TBXAS1: variants seen among roughly 807,000 people sequenced by gnomAD.
The protein encoded by TBXAS1 is thromboxane-A synthase.
A neutral mutation model predicts 60.7 loss-of-function variants in TBXAS1; 48 were observed. The ratio of observed to expected loss-of-function variants is 0.79; its 90% CI spans 0.63 to 1.01. The LOEUF is 1.01. TBXAS1 is among the 50% of genes least tolerant of loss of function. The pLI is 0.00. For missense variants in TBXAS1, 685 were observed against 686.3 expected (o/e 1.00, Z 0.02); for synonymous variants, 287 against 269.7 (o/e 1.06, Z -0.63).
intron 7 of TBXAS1, 108 bp downstream of exon 7, chr7:139,955,715 C>A: frequency 6.6e-7 from 1 of 1,522,014 alleles, no homozygotes; most frequent in Non-Finnish European, 9.0e-7. Context: ...TGGGAAAGGG[C>A]ACTCGGGTTG....
At chr7:139,960,828 T>G (rs2117371827) in intron 8 of TBXAS1, among the ~76,000 whole-genome samples, 1 of 152,326 alleles carries the variant, frequency 6.6e-6, no homozygotes, top group Middle Eastern at 3.4e-3. Context: ...GAGAAAATGC[T>G]GCAGCTAGCA....
intron 4 of TBXAS1, among the ~76,000 whole-genome samples, chr7:139,821,735 AC>A (rs1461561952): frequency 6.6e-6 from 1 of 151,974 alleles, no homozygotes; most frequent in Non-Finnish European, 1.5e-5. Flanking sequence ...GTCTTCTTCC[AC>A]GTCTCAGCCA....
chr7:139,984,811 A>AAAG (rs371016921), intron 9 of TBXAS1, among the ~76,000 whole-genome samples: 2 of 150,330 alleles, frequency 1.3e-5, no homozygotes, highest in African/African-American at 2.5e-5. Flanking sequence ...AGGGGGAAAG[A>AAAG]AAGAAAAGAA....
At chr7:139,908,134 T>A (rs1338110606) in intron 3 of TBXAS1, among the ~76,000 whole-genome samples, 1 of 152,082 alleles carries the variant, frequency 6.6e-6, no homozygotes, top group East Asian at 1.9e-4. Context: ...TCTGTGGTTT[T>A]TGTTTTCAGG....
chr7:139,880,258 A>G (rs1347939390), intron 3 of TBXAS1, among the ~76,000 whole-genome samples: 2 of 152,030 alleles, frequency 1.3e-5, no homozygotes, highest in Non-Finnish European at 2.9e-5. Flanking sequence ...TCTTCCCCCA[A>G]CATCACTTTA....
chr7:139,852,357 G>A lies in TBXAS1; in HGVS notation c.90-19878G>A, dbSNP rs139316342. On this transcript the variant is annotated intron_variant, in intron 1 of 12. Coordinates refer to ENST00000448866, the MANE Select transcript of TBXAS1 (RefSeq NM_001061.7). The surrounding 1 kb of genome is among the most constrained non-coding windows in gnomAD (Gnocchi z 4.4). ...CCAAACCCAGAAAAGTGGTCTGTTC[G>A]GAAGGTCAGGCAGGTTCTGTGGGTC... 9.5e-4 allele frequency among the ~76,000 whole-genome samples: 145 copies of A among 152,328 alleles called. 6 individuals carry two copies. The East Asian group carries it at 0.019, about 20-fold the overall frequency.
At chr7:139,951,374 T>A (rs558655521) in intron 5 of TBXAS1, among the ~76,000 whole-genome samples, 1 of 152,030 alleles carries the variant, frequency 6.6e-6, no homozygotes, top group East Asian at 1.9e-4. Flanking sequence ...ATTCCACTTA[T>A]GAGGCCACCT....
At chr7:139,856,282 G>A (rs934249799) in intron 1 of TBXAS1, among the ~76,000 whole-genome samples, 5 of 152,156 alleles carry the variant, frequency 3.3e-5, no homozygotes, top group Admixed American at 3.3e-4. Flanking sequence ...CTGCTAATCT[G>A]GGGTGATCGA....
At chr7:139,963,596 T>C (rs1810536299) in intron 9 of TBXAS1, among the ~76,000 whole-genome samples, 4 of 152,136 alleles carry the variant, frequency 2.6e-5, no homozygotes, top group Admixed American at 6.5e-5. Context: ...TGTTCTTAAA[T>C]TGAGGAAAGG....
At chr7:139,990,936 C>T (rs888520802) in intron 9 of TBXAS1, among the ~76,000 whole-genome samples, 3 of 152,222 alleles carry the variant, frequency 2.0e-5, no homozygotes, top group African/African-American at 4.8e-5. Flanking sequence ...GGTGCAGGCA[C>T]GGGGGCACAG....
chr7:139,991,440 A>G (rs1812896728), intron 9 of TBXAS1, among the ~76,000 whole-genome samples: 1 of 151,754 alleles, frequency 6.6e-6, no homozygotes, highest in Admixed American at 6.6e-5. Context: ...CCCACCCCAG[A>G]ACAATGCTCT....
At chr7:140,010,666 C>A (rs1814537304) in intron 10 of TBXAS1, among the ~76,000 whole-genome samples, 1 of 152,158 alleles carries the variant, frequency 6.6e-6, no homozygotes, top group Non-Finnish European at 1.5e-5. Flanking sequence ...GCTATCAGCT[C>A]CAAGCACATA....
intron 4 of TBXAS1, among the ~76,000 whole-genome samples, chr7:139,912,220 C>A (rs928120610): frequency 6.6e-6 from 1 of 151,920 alleles, no homozygotes; most frequent in African/African-American, 2.4e-5. Context: ...TGCACTCCAG[C>A]CTGGGCGACA....
intron 3 of TBXAS1, among the ~76,000 whole-genome samples, chr7:139,889,920 A>T (rs1468386084): frequency 6.6e-6 from 1 of 152,170 alleles, no homozygotes; most frequent in Non-Finnish European, 1.5e-5. Flanking sequence ...GTGCAAGGTG[A>T]CTTAGGAATG....
chr7:139,936,189 A>G lies in TBXAS1; in HGVS notation c.334-2A>G, dbSNP rs761891476. 1 of 1,614,100 alleles carries G rather than the reference A, an allele frequency of 6.2e-7. No individual in the cohort carries two copies. Among genetic ancestry groups the G allele is most frequent in the Non-Finnish European group, 8.5e-7 (1 of 1,180,002 alleles). ...GACCCTCTGCTTGTTACTTCCCAAC[A>G]GGCGTCGGGTTTGGAGTTCAAGTCG... On this transcript the variant is annotated splice_acceptor_variant, in intron 4 of 12. Transcript: ENST00000448866. LOFTEE classifies it high-confidence loss of function.
chr7:140,008,888 GGGCCCCAGAGCTGGCT>G (rs1057199552), intron 10 of TBXAS1, among the ~76,000 whole-genome samples: 1 of 152,224 alleles, frequency 6.6e-6, no homozygotes, highest in African/African-American at 2.4e-5. Context: ...AGGCCTTACA[GGGCCCCAGAGCTGGCT>G]GGTAGCTGGG....
intron 3 of TBXAS1, among the ~76,000 whole-genome samples, chr7:139,886,019 T>A (rs903481567): frequency 6.6e-6 from 1 of 152,226 alleles, no homozygotes; most frequent in African/African-American, 2.4e-5. Context: ...AAAGTTTGGG[T>A]TGTTTACTAT....
intron 3 of TBXAS1, among the ~76,000 whole-genome samples, chr7:139,878,112 A>T (rs188646681): frequency 0.015 from 2,287 of 150,546 alleles, 33 homozygotes; most frequent in African/African-American, 0.033. Flanking sequence ...TGTGTGTGAG[A>T]GAGAGAGAGA....
At chr7:139,841,737 A>T (rs1799464745) in intron 1 of TBXAS1, among the ~76,000 whole-genome samples, 1 of 152,248 alleles carries the variant, frequency 6.6e-6, no homozygotes, top group East Asian at 1.9e-4. Flanking sequence ...CTATAAAGTA[A>T]CGTGACTGAT....
Sources: gnomAD v4.1 joint callset for allele counts (sites outside exome capture counted in the v4.1 genomes callset) on GRCh38, gnomAD v4.1.1 for gene constraint, Gnocchi (gnomAD v3.1) non-coding constraint, MANE v1.5 for transcripts, NCBI Gene and HGNC (gene_info 2026-07-23, HGNC 2026-07-21) for gene names.